Variants in TRPM1 observed in about 807,000 individuals in gnomAD.
TRPM1 encodes the protein transient receptor potential cation channel subfamily M member 1.
A neutral mutation model predicts 149.4 loss-of-function variants in TRPM1; 113 were observed. The observed-to-expected ratio is 0.76, with a 90% confidence interval of 0.65 to 0.88. The LOEUF is 0.88. Ranked by LOEUF, TRPM1 falls within the 40% of genes least tolerant of loss-of-function variation. The pLI is 0.00. For synonymous variants in TRPM1, 741 were observed against 759.5 expected, an observed-to-expected ratio of 0.98 and a Z score of 0.40; for missense variants, 1,976 against 2,038.7, an observed-to-expected ratio of 0.97 and a Z score of 0.59.
At chr15:31,068,419 C>A (rs778716448) in intron 4 of TRPM1, among the ~76,000 whole-genome samples, 5 of 152,160 alleles carry the variant, frequency 3.3e-5, no homozygotes, top group Admixed American at 6.5e-5. Flanking sequence ...AGCATGGATC[C>A]CTCGTGAGTG....
intron 27 of TRPM1, among the ~76,000 whole-genome samples, chr15:31,017,787 T>C (rs929313079): frequency 6.6e-6 from 1 of 152,230 alleles, no homozygotes; most frequent in African/African-American, 2.4e-5. Flanking sequence ...ACATAATGTG[T>C]TCTGTTTCAT....
At chr15:31,056,953 A>G (rs1467838466) in intron 11 of TRPM1, among the ~76,000 whole-genome samples, 1 of 152,182 alleles carries the variant, frequency 6.6e-6, no homozygotes, top group Non-Finnish European at 1.5e-5. Flanking sequence ...TAATTCTCCC[A>G]CATGCTTTTA....
At chr15:31,011,335 CT>C (rs758094308) in intron 27 of TRPM1, among the ~76,000 whole-genome samples, 3 of 151,080 alleles carry the variant, frequency 2.0e-5, no homozygotes, top group Non-Finnish European at 4.4e-5. Context: ...TATGTTATGT[CT>C]TTTTTTTTGT....
intron 1 of TRPM1, among the ~76,000 whole-genome samples, chr15:31,090,404 C>T (rs981317566): frequency 3.9e-5 from 6 of 151,992 alleles, no homozygotes; most frequent in South Asian, 2.1e-4. Context: ...TTTGGGAAGC[C>T]GAGGCAGGCC....
At chr15:31,140,224 A>G (rs2036142577) in intron 1 of TRPM1, among the ~76,000 whole-genome samples, 1 of 151,422 alleles carries the variant, frequency 6.6e-6, no homozygotes, top group African/African-American at 2.4e-5. Context: ...AAAAAAAAAA[A>G]AAAAATTAGC....
intron 1 of TRPM1, among the ~76,000 whole-genome samples, chr15:31,133,435 C>T (rs1202202302): frequency 4.6e-5 from 7 of 152,004 alleles, no homozygotes; most frequent in African/African-American, 1.7e-4. Context: ...CAATGGTGCA[C>T]ACCTGTAGTC....
chr15:31,073,216 A>T (rs2034604824), intron 3 of TRPM1, among the ~76,000 whole-genome samples: 1 of 152,146 alleles, frequency 6.6e-6, no homozygotes, highest in Non-Finnish European at 1.5e-5. Flanking sequence ...ATTCTTTTGC[A>T]TGTGGCTATC....
intron 3 of TRPM1, 147 bp downstream of exon 3, chr15:31,076,758 G>A (rs1473067435): frequency 1.4e-6 from 1 of 704,966 alleles, no homozygotes; most frequent in Non-Finnish European, 2.6e-6. Flanking sequence ...GTAACAAGGA[G>A]CCCCAGTGAC....
chr15:31,092,916 C>G (rs956557901), intron 1 of TRPM1, among the ~76,000 whole-genome samples: 3 of 152,142 alleles, frequency 2.0e-5, no homozygotes, highest in Non-Finnish European at 4.4e-5. Context: ...AGTTCAAAAG[C>G]AGGTGAAGCT....
Position 31,027,041 on chromosome 15 carries a change from G to T in TRPM1, c.3370C>A (p.His1124Asn). 1 of 1,614,224 alleles carries T rather than the reference G, an allele frequency of 6.2e-7. No homozygotes were observed. Among genetic ancestry groups the T allele is most frequent in the African/African-American group, 1.3e-5 (1 of 75,046 alleles). Residue 1124 changes from histidine to asparagine, a missense_variant, in exon 26 of 28, where the codon CAT (histidine) becomes AAT (asparagine). By Grantham distance (68) the His-to-Asn change is moderately conservative. Around this residue, in one of 3 missense-constraint regions of TRPM1, gnomAD observed 72 missense variants for 112.7 expected, o/e 0.64. Transcript: ENST00000256552. ...GGTGGGGGCAGGACTGGCCTGTCAT[G>T]AAATGTCATAATCAGCTGATATCGC... ...FQRYQLIMTF[H>N]DRPVLPPPMI...
At chr15:31,152,505 C>G (rs977358029) in intron 1 of TRPM1, among the ~76,000 whole-genome samples, 1 of 152,226 alleles carries the variant, frequency 6.6e-6, no homozygotes, top group Non-Finnish European at 1.5e-5. Context: ...ATGGACCCCT[C>G]CTTTCAGCCA....
chr15:31,160,759 C>T (rs2036434027), intron 1 of TRPM1: 2 of 816,256 alleles, frequency 2.5e-6, no homozygotes, highest in South Asian at 1.6e-5. Flanking sequence ...CGTGAGAGCT[C>T]TGAACACCCC....
chr15:31,069,737 G>C (rs1196367911), intron 4 of TRPM1: 8 of 1,428,994 alleles, frequency 5.6e-6, no homozygotes, highest in Admixed American at 2.9e-5. Context: ...TTCCTTTACT[G>C]AAGATGGAGC....
chr15:31,101,772 G>A, upstream of TRPM1: 1 of 969,830 alleles, frequency 1.0e-6, no homozygotes, highest in African/African-American at 1.8e-5. Context: ...GTCCCCATGA[G>A]GAGCATGTGA....
intron 24 of TRPM1, among the ~76,000 whole-genome samples, chr15:31,028,795 C>T (rs1039446922): frequency 1.3e-5 from 2 of 152,032 alleles, no homozygotes; most frequent in Admixed American, 6.5e-5. Context: ...AAGTCAGAAA[C>T]TCATATCTGC....
chr15:31,007,549 C>G (rs1419276066), intron 27 of TRPM1, among the ~76,000 whole-genome samples: 1 of 152,110 alleles, frequency 6.6e-6, no homozygotes, highest in African/African-American at 2.4e-5. Flanking sequence ...TGCCTACAAT[C>G]CCAGTGCTTC....
At chr15:31,149,515 T>A (rs1302720501) in intron 1 of TRPM1, among the ~76,000 whole-genome samples, 1 of 140,350 alleles carries the variant, frequency 7.1e-6, no homozygotes, top group Admixed American at 7.3e-5. Flanking sequence ...GTCATGTGCA[T>A]CTCTCTCTCT....
At chr15:31,099,786 A>C (rs1044283222) in intron 1 of TRPM1, among the ~76,000 whole-genome samples, 1 of 152,224 alleles carries the variant, frequency 6.6e-6, no homozygotes, top group Non-Finnish European at 1.5e-5. Context: ...GAGAATAGAC[A>C]ATTTATGCTA....
At chr15:31,079,372 T>G (rs1360191042) in intron 2 of TRPM1, among the ~76,000 whole-genome samples, 1 of 152,196 alleles carries the variant, frequency 6.6e-6, no homozygotes, top group Non-Finnish European at 1.5e-5. Context: ...GGCTGTGGTC[T>G]TAAGGGAAGG....
Sources: gnomAD v4.1 joint callset for allele counts (sites outside exome capture counted in the v4.1 genomes callset) on GRCh38, gnomAD v4.1.1 for gene constraint, gnomAD v4.1.1 regional missense constraint, MANE v1.5 for transcripts, NCBI Gene and HGNC (gene_info 2026-07-23, HGNC 2026-07-21) for gene names.